The following LRRIQ3 variants were observed in gnomAD, a reference collection of about 807,000 sequenced individuals.
The protein encoded by LRRIQ3 is leucine rich repeats and IQ motif containing 3.
In LRRIQ3, 75 loss-of-function variants were observed where a neutral mutation model predicts 59.3. The ratio of observed to expected loss-of-function variants is 1.26; its 90% confidence interval spans 1.05 to 1.53. The LOEUF (loss-of-function observed/expected upper bound fraction) is 1.53. LRRIQ3 is among the 40% of genes most tolerant of loss of function. LRRIQ3 has a pLI of 0.00. For synonymous variants in LRRIQ3, 250 were observed against 231.3 expected, an observed-to-expected ratio of 1.08 and a Z score of -0.73; for missense variants, 831 against 710.0, an observed-to-expected ratio of 1.17 and a Z score of -1.94.
chr1:74,095,814 A>G (rs1646442432), intron 5 of LRRIQ3, among the ~76,000 whole-genome samples: 1 of 152,078 alleles, frequency 6.6e-6, no homozygotes, highest in Non-Finnish European at 1.5e-5. Flanking sequence ...CTTTACAATC[A>G]TATAGTTATA....
chr1:74,081,215 A>C (rs754293175), intron 5 of LRRIQ3, among the ~76,000 whole-genome samples: 16 of 151,740 alleles, frequency 1.1e-4, no homozygotes, highest in East Asian at 1.9e-4. Flanking sequence ...GGAAACATAT[A>C]GTATAAATAA....
chr1:74,082,583 C>A (rs1646285408), intron 5 of LRRIQ3: 1 of 151,472 alleles, frequency 6.6e-6, no homozygotes, highest in Non-Finnish European at 1.5e-5. Context: ...AAAAAAGCCA[C>A]AAACGGGGAC....
chr1:74,103,069 C>A (rs968688020), intron 5 of LRRIQ3, among the ~76,000 whole-genome samples: 17 of 151,924 alleles, frequency 1.1e-4, no homozygotes, highest in Non-Finnish European at 5.9e-5. Context: ...ATACTTCTAC[C>A]TAAGTAGACA....
At chr1:74,153,117 CCAT>C (rs1365396930) in intron 4 of LRRIQ3, among the ~76,000 whole-genome samples, 3 of 151,894 alleles carry the variant, frequency 2.0e-5, no homozygotes, top group Non-Finnish European at 2.9e-5. Context: ...TTTTTACAAC[CCAT>C]CAAGACAACC....
chr1:74,121,435 C>T (rs564137516), intron 4 of LRRIQ3, among the ~76,000 whole-genome samples: 2 of 152,128 alleles, frequency 1.3e-5, no homozygotes, highest in Non-Finnish European at 2.9e-5. Context: ...GACTGCTGAA[C>T]CATAACCCCT....
Position 74,145,369 on chromosome 1 carries a change from C to G in LRRIQ3, c.707+10364G>C, listed in dbSNP as rs374817525. Reference sequence around the variant, plus strand: ...GTGGAGTTGGCTCTGCCATGCTTCTCACTGCTGTTCCTTTTCCAAAGCCAG... The same window carrying G: ...GTGGAGTTGGCTCTGCCATGCTTCTGACTGCTGTTCCTTTTCCAAAGCCAG... On this transcript the variant is annotated intron_variant, in intron 4 of 7. Transcript: ENST00000354431. Among the ~76,000 whole-genome samples the G allele has an allele frequency of 1.3e-3, 196 of 152,270 alleles. 2 individuals carry two copies. In the South Asian group the frequency reaches 0.039, roughly 30 times the overall value.
chr1:74,027,495 T>C (rs938107785), intron 7 of LRRIQ3, among the ~76,000 whole-genome samples: 1 of 152,012 alleles, frequency 6.6e-6, no homozygotes, highest in African/African-American at 2.4e-5. Flanking sequence ...AGAAAGGCCA[T>C]GGGAGGACAC....
intron 4 of LRRIQ3, among the ~76,000 whole-genome samples, chr1:74,155,050 A>G (rs1461053776): frequency 6.6e-6 from 1 of 152,216 alleles, no homozygotes; most frequent in Non-Finnish European, 1.5e-5. Context: ...GAAACTTCCT[A>G]ATCTTGCTTT....
chr1:74,114,083 T>C (rs1335646317), intron 4 of LRRIQ3, among the ~76,000 whole-genome samples: 6 of 151,656 alleles, frequency 4.0e-5, no homozygotes, highest in Admixed American at 3.9e-4. Flanking sequence ...TAGAAACATA[T>C]CTGACAATAA....
intron 6 of LRRIQ3, among the ~76,000 whole-genome samples, chr1:74,045,786 C>A (rs1654184210): frequency 6.6e-6 from 1 of 152,092 alleles, no homozygotes; most frequent in South Asian, 2.1e-4. Flanking sequence ...AATCAATGTG[C>A]AAAATACACA....
At chr1:74,186,738 C>CT (rs530675305) in intron 1 of LRRIQ3, among the ~76,000 whole-genome samples, 12 of 151,712 alleles carry the variant, frequency 7.9e-5, no homozygotes, top group South Asian at 2.1e-4. Context: ...AATTCAATGC[C>CT]TTTTTTTTCC....
chr1:74,034,794 G>A (rs1282289347), intron 7 of LRRIQ3, among the ~76,000 whole-genome samples: 2 of 116,860 alleles, frequency 1.7e-5, no homozygotes, highest in African/African-American at 2.6e-5. Context: ...GTAGGAAAAG[G>A]CAAATGCTTT....
At chr1:74,053,705 T>C (rs1184558585) in intron 6 of LRRIQ3, among the ~76,000 whole-genome samples, 2 of 151,644 alleles carry the variant, frequency 1.3e-5, no homozygotes, top group Non-Finnish European at 2.9e-5. Context: ...AATAAATAAA[T>C]AAATAAACAA....
At position 74,191,387 on chromosome 1, in the gene LRRIQ3, TAA is replaced by T. The variant is rs1454311530; in HGVS notation, c.-1+6607_-1+6608del. 3.9e-5 allele frequency among the ~76,000 whole-genome samples: 6 copies of T among 152,122 alleles called. No homozygotes were observed. The East Asian group carries it at 7.7e-4, about 20-fold the overall frequency. ...GGGAAAGGAACAAGTGAGGATAAAA[TAA>T]AAATCTCTTATTTTTCTTATTCTTA... On this transcript the variant is annotated intron_variant, in intron 1 of 7. Coordinates refer to ENST00000354431, the MANE Select transcript of LRRIQ3 (RefSeq NM_001105659.2).
chr1:74,149,591 A>C (rs1328608322), intron 4 of LRRIQ3, among the ~76,000 whole-genome samples: 1 of 152,090 alleles, frequency 6.6e-6, no homozygotes, highest in Admixed American at 6.5e-5. Flanking sequence ...ACAAATAATG[A>C]ATTCTTAAAT....
intron 3 of LRRIQ3, chr1:74,180,677 C>T: frequency 6.5e-7 from 1 of 1,535,252 alleles, no homozygotes; most frequent in Non-Finnish European, 8.8e-7. Context: ...ATTTGTGATG[C>T]AATGTTGACT....
intron 6 of LRRIQ3, among the ~76,000 whole-genome samples, chr1:74,051,763 TA>T (rs1279684030): frequency 6.6e-6 from 1 of 152,192 alleles, no homozygotes; most frequent in African/African-American, 2.4e-5. Context: ...TGTGATCTTT[TA>T]TAAGGGGTTT....
intron 2 of LRRIQ3, 102 bp downstream of exon 2, chr1:74,183,333 CA>C (rs565094042): frequency 7.8e-4 from 814 of 1,044,764 alleles, no homozygotes; most frequent in Non-Finnish European, 1.0e-3. Flanking sequence ...ATATTTTAGA[CA>C]AAAGACCATG....
chr1:74,103,248 C>T (rs915627658), intron 5 of LRRIQ3, among the ~76,000 whole-genome samples: 1 of 151,960 alleles, frequency 6.6e-6, no homozygotes, highest in Non-Finnish European at 1.5e-5. Flanking sequence ...ATTTTTCTAG[C>T]TCTTCCCCAT....
Sources: gnomAD v4.1 joint callset for allele counts (sites outside exome capture counted in the v4.1 genomes callset) on GRCh38, gnomAD v4.1.1 for gene constraint, MANE v1.5 for transcripts, NCBI Gene and HGNC (gene_info 2026-07-23, HGNC 2026-07-21) for gene names.